Variants in FXN observed in about 807,000 individuals in gnomAD.
The protein encoded by FXN is frataxin.
A neutral mutation model predicts 22.4 loss-of-function variants in FXN; 14 were observed. The ratio of observed to expected loss-of-function variants is 0.62; its 90% CI spans 0.41 to 0.98. FXN has a LOEUF of 0.98. Ranked by LOEUF, FXN falls within the 50% of genes least tolerant of loss-of-function variation. The pLI is 0.00. For missense variants in FXN, 267 were observed against 268.4 expected (o/e 0.99, Z 0.04); for synonymous variants, 120 against 114.1 (o/e 1.05, Z -0.33).
At chr9:69,057,341 G>A (rs1424893452) in intron 3 of FXN, among the ~76,000 whole-genome samples, 1 of 152,188 alleles carries the variant, frequency 6.6e-6, no homozygotes, top group Non-Finnish European at 1.5e-5. Flanking sequence ...TAGTGGGTCA[G>A]AGAACCTTCC....
chr9:69,073,655 C>T lies in FXN; in HGVS notation c.*893C>T. ...TAGTTCAGCCACAAAGTAGTTGTCCCTTTGTGGACAAGTTTCCCAAATTCC... is the reference window on the plus strand; with the variant it reads ...TAGTTCAGCCACAAAGTAGTTGTCCTTTTGTGGACAAGTTTCCCAAATTCC... On this transcript the variant is annotated 3_prime_UTR_variant, in exon 5 of 5. Transcript: ENST00000484259. 1.0e-6 allele frequency: 1 copy of T among 985,330 alleles called. No homozygotes were observed. Among genetic ancestry groups the T allele is most frequent in the South Asian group, 4.7e-5 (1 of 21,284 alleles). The allele number at this position is 985,330 out of a possible 1,614,324, so 61.0% of individuals were successfully genotyped here.
chr9:69,036,143 A>T (rs902034250), intron 1 of FXN, 196 bp downstream of exon 1: 1 of 356,202 alleles, frequency 2.8e-6, no homozygotes, highest in African/African-American at 2.1e-5. Flanking sequence ...TTGCATTTAC[A>T]CTGGCTTCTG....
chr9:69,061,833 A>T (rs1587826622), intron 3 of FXN, among the ~76,000 whole-genome samples: 2 of 152,264 alleles, frequency 1.3e-5, no homozygotes, highest in African/African-American at 4.8e-5. Flanking sequence ...AGTTTCATCC[A>T]TGTCCCTACA....
chr9:69,060,751 C>A (rs1164352973), intron 3 of FXN, among the ~76,000 whole-genome samples: 1 of 152,192 alleles, frequency 6.6e-6, no homozygotes, highest in African/African-American at 2.4e-5. Flanking sequence ...CTAAGTTGGG[C>A]AGATGGTATC....
intron 3 of FXN, 67 bp downstream of exon 3, chr9:69,053,327 A>T: frequency 6.5e-7 from 1 of 1,548,048 alleles, no homozygotes; most frequent in African/African-American, 1.4e-5. Flanking sequence ...AAAATGAAGA[A>T]TTTCCCTCCA....
At chr9:69,072,586 T>C (rs1832294335) in intron 4 of FXN, 26 bp from the exon 5 acceptor site, 7 of 1,613,940 alleles carry the variant, frequency 4.3e-6, no homozygotes, top group African/African-American at 1.3e-5. Flanking sequence ...GCTGTGGAAT[T>C]ACTATGCATT....
intron 1 of FXN, among the ~76,000 whole-genome samples, chr9:69,042,136 G>A (rs1203869915): frequency 6.6e-6 from 1 of 152,040 alleles, no homozygotes; most frequent in African/African-American, 2.4e-5. Flanking sequence ...TACTCAGGAG[G>A]CTGAGGCAGG....
At position 69,060,827 on chromosome 9, in the gene FXN, T is replaced by C. The variant is rs114511823; in HGVS notation, c.385-4111T>C. Among the ~76,000 whole-genome samples the C allele has an allele frequency of 3.3e-3, 506 of 152,342 alleles. 1 individual carries two copies. The highest frequency in any genetic ancestry group is 0.012 in the African/African-American group (486 of 41,576). On this transcript the variant is annotated intron_variant, in intron 3 of 4. Transcript: ENST00000484259. ...GTTGGTCATTCATTCACAAATGTCC[T>C]TTTTGCAGGAGGGATGGAGGTGCTA...
intron 3 of FXN, among the ~76,000 whole-genome samples, chr9:69,055,532 C>T (rs1398920728): frequency 6.7e-6 from 1 of 148,742 alleles, no homozygotes; most frequent in Admixed American, 6.7e-5. Context: ...CTAGCTCTGT[C>T]ACCCAGGCTG....
chr9:69,058,488 A>G (rs1832004575), intron 3 of FXN, among the ~76,000 whole-genome samples: 1 of 151,810 alleles, frequency 6.6e-6, no homozygotes, highest in Non-Finnish European at 1.5e-5. Flanking sequence ...GTGTCAGCAT[A>G]TTACTGTCTT....
At chr9:69,049,952 A>G (rs1349089158) in intron 2 of FXN, among the ~76,000 whole-genome samples, 4 of 152,230 alleles carry the variant, frequency 2.6e-5, no homozygotes, top group Non-Finnish European at 5.9e-5. Flanking sequence ...GAACAGTCCT[A>G]TGAACATACC....
intron 3 of FXN, among the ~76,000 whole-genome samples, chr9:69,062,331 G>A (rs1279336502): frequency 6.6e-6 from 1 of 152,058 alleles, no homozygotes; most frequent in Non-Finnish European, 1.5e-5. Context: ...GTCTGGTCTT[G>A]AACTCCTGGG....
Position 69,077,687 on chromosome 9 carries a change from T to C in FXN, c.*4925T>C, listed in dbSNP as rs951174534. 2 of 970,354 alleles carry C rather than the reference T, an allele frequency of 2.1e-6. No homozygotes were observed. The highest frequency in any genetic ancestry group is 1.8e-5 in the African/African-American group (1 of 56,918). The allele number at this position is 970,354 out of a possible 1,614,324, so 60.1% of individuals were successfully genotyped here. Reference sequence around the variant, plus strand: ...GCTCACACCTGTAATCCCAGCACTTTGAGAGGCTGAGGCAGGTGGATCACC... The same window carrying C: ...GCTCACACCTGTAATCCCAGCACTTCGAGAGGCTGAGGCAGGTGGATCACC... On this transcript the variant is annotated 3_prime_UTR_variant, in exon 5 of 5. Transcript: ENST00000484259.
intron 1 of FXN, 61 bp from the exon 2 acceptor site, chr9:69,046,324 T>A: frequency 8.4e-7 from 1 of 1,184,136 alleles, no homozygotes; most frequent in African/African-American, 1.5e-5. Context: ...ATATAAATTA[T>A]GCATTAATGG....
chr9:69,066,699 A>C (rs1389083011), intron 4 of FXN, among the ~76,000 whole-genome samples: 1 of 151,454 alleles, frequency 6.6e-6, no homozygotes. Flanking sequence ...TCGGGCAGGC[A>C]CTTACCCCAA....
At chr9:69,052,695 A>ACCACGCCCGGCTAATTTTT (rs1347293548) in intron 2 of FXN, among the ~76,000 whole-genome samples, 17 of 151,680 alleles carry the variant, frequency 1.1e-4, no homozygotes, top group Non-Finnish European at 2.1e-4. Flanking sequence ...GGCACCCGTC[A>ACCACGCCCGGCTAATTTTT]CCACGCCCGG....
intron 1 of FXN, among the ~76,000 whole-genome samples, chr9:69,040,675 A>AAAAT (rs564938446): frequency 7.2e-5 from 11 of 152,092 alleles, no homozygotes; most frequent in South Asian, 2.1e-4. Context: ...CTCAAAGAAA[A>AAAAT]AAATAAATAA....
At chr9:69,062,202 C>T (rs1832086717) in intron 3 of FXN, among the ~76,000 whole-genome samples, 1 of 152,156 alleles carries the variant, frequency 6.6e-6, no homozygotes, top group South Asian at 2.1e-4. Context: ...GCCTCAATCT[C>T]TGAGGCTCAA....
intron 2 of FXN, among the ~76,000 whole-genome samples, chr9:69,047,091 G>C (rs1831768646): frequency 6.6e-6 from 1 of 152,162 alleles, no homozygotes; most frequent in African/African-American, 2.4e-5. Context: ...CGAGTGCCCT[G>C]GAAAAAGCCG....
Sources: allele counts gnomAD v4.1 joint callset (sites outside exome capture counted in the v4.1 genomes callset), GRCh38; gene constraint gnomAD v4.1.1; transcripts MANE v1.5; gene names NCBI Gene and HGNC (gene_info 2026-07-23, HGNC 2026-07-21).